CDK14: variants seen among roughly 807,000 people sequenced by gnomAD.
CDK14 encodes the protein cyclin dependent kinase 14, also known as cyclin-dependent kinase 14.
A neutral mutation model predicts 60.7 loss-of-function variants in CDK14; 34 were observed. That is an observed-to-expected ratio of 0.56 (90% CI 0.43 to 0.75). The LOEUF (loss-of-function observed/expected upper bound fraction) is 0.75, where lower values mean the gene tolerates loss of function less well. Among genes scored for constraint, CDK14 ranks in the 30% least tolerant of loss-of-function variants. The pLI is 0.00. For synonymous variants in CDK14, 197 were observed against 203.7 expected, an observed-to-expected ratio of 0.97 and a Z score of 0.28; for missense variants, 482 against 564.1, an observed-to-expected ratio of 0.85 and a Z score of 1.47.
chr7:90,842,624 T>TGCATAC (rs1430142874), intron 5 of CDK14, among the ~76,000 whole-genome samples: 1 of 152,164 alleles, frequency 6.6e-6, no homozygotes, highest in Non-Finnish European at 1.5e-5. Context: ...CGTCTGTGCG[T>TGCATAC]GCATACACAT....
chr7:90,602,939 A>T (rs1049012641), intron 1 of CDK14, among the ~76,000 whole-genome samples: 14 of 152,194 alleles, frequency 9.2e-5, no homozygotes, highest in African/African-American at 3.4e-4. Flanking sequence ...TAACCTTTTC[A>T]CGATTGTTAG....
At chr7:90,750,886 AAAAAG>A (rs1192110040) in intron 4 of CDK14, among the ~76,000 whole-genome samples, 3 of 152,176 alleles carry the variant, frequency 2.0e-5, no homozygotes, top group African/African-American at 7.2e-5. Flanking sequence ...AAAAAGAAAA[AAAAAG>A]AAAAGAAGAA....
At chr7:91,062,604 C>T (rs915876850) in intron 11 of CDK14, among the ~76,000 whole-genome samples, 5 of 152,150 alleles carry the variant, frequency 3.3e-5, no homozygotes, top group African/African-American at 1.2e-4. Flanking sequence ...TTAAGTGTCA[C>T]ATAGCTGATG....
In CDK14 at chr7:91,015,677, G is replaced by A. The variant is rs186148661; in HGVS notation, c.1042-30220G>A. On this transcript the variant is annotated intron_variant, in intron 10 of 14. Coordinates refer to ENST00000380050, the MANE Select transcript of CDK14 (RefSeq NM_001287135.2). ...CGAGTAACTGGGACTACAGGCACCC[G>A]CCACCATGCCCGGCTAATTTTTTGT... Among the ~76,000 whole-genome samples, 230 of 151,386 alleles carry A rather than the reference G, an allele frequency of 1.5e-3. 1 individual carries two copies. Among genetic ancestry groups the A allele is most frequent in the African/African-American group, 5.4e-3 (222 of 41,282 alleles).
In CDK14 at chr7:90,709,492, AT is replaced by A. The variant is rs758813911; in HGVS notation, c.124-17074del. The A allele has an allele frequency of 5.0e-6, 8 of 1,607,060 alleles. No individual in the cohort carries two copies. In the South Asian group the frequency reaches 8.9e-5, roughly 18 times the overall value. On this transcript the variant is annotated intron_variant, in intron 2 of 14. Coordinates refer to ENST00000380050, the MANE Select transcript of CDK14 (RefSeq NM_001287135.2). ...CTTCTGAAGCAGCCCTGCATTGCAA[AT>A]CAATATCTTTCTGAAAAGACAGTGT... is the stretch of plus-strand genomic sequence containing the variant.
intron 2 of CDK14, among the ~76,000 whole-genome samples, chr7:90,659,283 CAG>C (rs1438460981): frequency 3.3e-5 from 5 of 152,246 alleles, no homozygotes; most frequent in East Asian, 3.9e-4. Flanking sequence ...TTAAAGATAT[CAG>C]GGGGAAAATT....
chr7:90,762,258 A>T (rs2116863391), intron 4 of CDK14, among the ~76,000 whole-genome samples: 1 of 152,208 alleles, frequency 6.6e-6, no homozygotes, highest in Admixed American at 6.5e-5. Flanking sequence ...TGAAGGAGCT[A>T]ATTTTATTTT....
chr7:90,671,862 T>C (rs573385448), intron 2 of CDK14, among the ~76,000 whole-genome samples: 13 of 152,360 alleles, frequency 8.5e-5, no homozygotes, highest in Admixed American at 2.6e-4. Context: ...AAAAGTTTGC[T>C]GTTTAAAACT....
At chr7:90,823,510 A>C (rs898452771) in intron 5 of CDK14, among the ~76,000 whole-genome samples, 4 of 152,216 alleles carry the variant, frequency 2.6e-5, no homozygotes, top group African/African-American at 9.7e-5. Flanking sequence ...AGAGAGAAGA[A>C]GCCCTGTTGG....
intron 2 of CDK14, chr7:90,716,407 C>G (rs1802250462): frequency 6.6e-6 from 1 of 152,012 alleles, no homozygotes; most frequent in African/African-American, 2.4e-5. Context: ...AAGTAGTAAG[C>G]AAAGCAAGAT....
chr7:90,843,873 T>C (rs1464896773), intron 5 of CDK14, among the ~76,000 whole-genome samples: 5 of 152,180 alleles, frequency 3.3e-5, no homozygotes, highest in African/African-American at 1.2e-4. Flanking sequence ...GACTATGATC[T>C]ATATAATGTA....
chr7:90,787,596 C>T (rs1805650974), intron 4 of CDK14, among the ~76,000 whole-genome samples: 1 of 152,108 alleles, frequency 6.6e-6, no homozygotes. Context: ...CCAGTGAAAT[C>T]TACTCTGTGC....
intron 2 of CDK14, 134 bp from the exon 3 acceptor site, chr7:90,726,433 A>T (rs1282959796): frequency 6.5e-6 from 8 of 1,233,768 alleles, no homozygotes; most frequent in Non-Finnish European, 8.8e-6. Flanking sequence ...ATGCTGATGC[A>T]GCTTTTAGAA....
At chr7:91,068,933 C>T (rs1798057693) in intron 11 of CDK14, among the ~76,000 whole-genome samples, 1 of 151,610 alleles carries the variant, frequency 6.6e-6, no homozygotes, top group Admixed American at 6.6e-5. Context: ...TGCAGCTATC[C>T]TGGCCTCCAG....
At chr7:91,115,317 A>G (rs1326444041) in intron 13 of CDK14, among the ~76,000 whole-genome samples, 3 of 152,166 alleles carry the variant, frequency 2.0e-5, no homozygotes, top group African/African-American at 7.2e-5. Flanking sequence ...GGTTCCTGGT[A>G]AGGTCTTTCT....
intron 5 of CDK14, among the ~76,000 whole-genome samples, chr7:90,836,587 AT>A (rs540084293): frequency 2.0e-5 from 3 of 151,682 alleles, no homozygotes; most frequent in South Asian, 2.1e-4. Context: ...TTTTACAGTG[AT>A]TTTTTTTTAA....
intron 4 of CDK14, among the ~76,000 whole-genome samples, chr7:90,775,980 C>T (rs1461421059): frequency 6.6e-6 from 1 of 151,978 alleles, no homozygotes; most frequent in East Asian, 1.9e-4. Flanking sequence ...TAGTAGGTTT[C>T]AAATCTCAGT....
intron 11 of CDK14, among the ~76,000 whole-genome samples, chr7:91,075,420 G>A (rs559933032): frequency 4.7e-4 from 71 of 152,090 alleles, no homozygotes; most frequent in Non-Finnish European, 9.1e-4. Context: ...ATTCAACATC[G>A]CTTCATGTTA....
intron 3 of CDK14, among the ~76,000 whole-genome samples, chr7:90,747,363 T>C (rs770995804): frequency 5.9e-5 from 9 of 152,120 alleles, no homozygotes; most frequent in Non-Finnish European, 1.3e-4. Flanking sequence ...TTAAAAACAG[T>C]AGATATAGTG....
Sources: allele counts gnomAD v4.1 joint callset (sites outside exome capture counted in the v4.1 genomes callset), GRCh38; gene constraint gnomAD v4.1.1; transcripts MANE v1.5; gene names NCBI Gene and HGNC (gene_info 2026-07-23, HGNC 2026-07-21).